Variants in PCNX1 observed in about 807,000 individuals in gnomAD.
PCNX1 encodes pecanex 1.
In PCNX1, 78 loss-of-function variants were observed where a neutral mutation model predicts 242.2. The ratio of observed to expected loss-of-function variants is 0.32; its 90% CI spans 0.27 to 0.39. PCNX1 has a LOEUF of 0.39. Ranked by LOEUF, PCNX1 falls within the 10% of genes least tolerant of loss-of-function variation. PCNX1 has a pLI of 1.00. For missense variants in PCNX1, 2,581 were observed against 2,856.5 expected, an observed-to-expected ratio of 0.90 and a Z score of 2.20; for synonymous variants, 1,024 against 1,032.9, an observed-to-expected ratio of 0.99 and a Z score of 0.17.
At chr14:71,053,564 C>T (rs1382041407) in intron 24 of PCNX1, among the ~76,000 whole-genome samples, 3 of 151,998 alleles carry the variant, frequency 2.0e-5, no homozygotes, top group Non-Finnish European at 4.4e-5. Flanking sequence ...GTGATCCACC[C>T]GCTTCGGCCT....
chr14:71,090,639 C>G (rs191897754), intron 30 of PCNX1, among the ~76,000 whole-genome samples: 1 of 151,780 alleles, frequency 6.6e-6, no homozygotes, highest in East Asian at 1.9e-4. Flanking sequence ...CAGTGCATTT[C>G]AAAAAAAGGT....
chr14:71,027,857 A>T (rs2060279289), intron 15 of PCNX1, among the ~76,000 whole-genome samples: 3 of 152,002 alleles, frequency 2.0e-5, no homozygotes, highest in South Asian at 4.1e-4. Flanking sequence ...ATATTTAGGG[A>T]CTATTACTGG....
At chr14:71,100,228 A>C (rs2062426524) in intron 30 of PCNX1, among the ~76,000 whole-genome samples, 1 of 152,108 alleles carries the variant, frequency 6.6e-6, no homozygotes, top group Non-Finnish European at 1.5e-5. Context: ...TTGTGGTAGC[A>C]GGTATTATTT....
intron 28 of PCNX1, among the ~76,000 whole-genome samples, chr14:71,083,006 A>G (rs551718856): frequency 6.6e-6 from 1 of 152,044 alleles, no homozygotes; most frequent in Non-Finnish European, 1.5e-5. Flanking sequence ...TCCTTTCCAT[A>G]TTTAGTGCTT....
chr14:71,022,090 G>T (rs2060119423), intron 12 of PCNX1, among the ~76,000 whole-genome samples: 1 of 151,968 alleles, frequency 6.6e-6, no homozygotes. Flanking sequence ...CAATATCTTT[G>T]CTTTTGGCAG....
chr14:71,009,025 A>G (rs1448740099), intron 8 of PCNX1, among the ~76,000 whole-genome samples: 1 of 152,232 alleles, frequency 6.6e-6, no homozygotes, highest in Non-Finnish European at 1.5e-5. Flanking sequence ...TCAGTTTCAT[A>G]GTGATATTTG....
chr14:70,910,439 A>G (rs1410841983), intron 1 of PCNX1, among the ~76,000 whole-genome samples: 4 of 151,496 alleles, frequency 2.6e-5, no homozygotes, highest in Non-Finnish European at 4.4e-5. Flanking sequence ...TGTCTCAACC[A>G]CACACACATT....
At position 70,978,662 on chromosome 14, in the gene PCNX1, A is replaced by C; in HGVS notation, c.2311+14A>C. ...CAGTCAGTGGAGGTAAGTAAACTGT[A>C]AGAAGAGATTTCTGTAAGACTCACT... On this transcript the variant is annotated intron_variant, in intron 6 of 35. Transcript: ENST00000304743. The C allele has an allele frequency of 6.3e-7, 1 of 1,589,178 alleles. No homozygotes were observed. The highest frequency in any genetic ancestry group is 8.6e-7 in the Non-Finnish European group (1 of 1,168,978).
rs756087143 is a variant in PCNX1 at position 70,978,008 on chromosome 14, C to G, written c.1671C>G (p.His557Gln). Reference protein sequence around the residue: ...SSVIHRTASAHKSGRRRTGKK... With the variant: ...SSVIHRTASAQKSGRRRTGKK... ...TAATCCATCGGACAGCTTCTGCCCA[C>G]AAGTCAGGCAGGAGACGCACAGGAA... Residue 557 changes from histidine (H) to glutamine (Q), a missense_variant, in exon 6 of 36, where the codon CAC (histidine) becomes CAG (glutamine). By Grantham distance (24) the His-to-Gln change is conservative (BLOSUM62 0). Around this residue, in one of 9 missense-constraint regions of PCNX1, gnomAD observed 1,204 missense variants for 1,216.7 expected, o/e 0.99. Transcript: ENST00000304743. 6 of 1,613,954 alleles carry G rather than the reference C, an allele frequency of 3.7e-6. No homozygotes were observed. The Admixed American group carries it at 1.0e-4, about 27-fold the overall frequency.
chr14:71,015,703 C>T (rs780400226), intron 11 of PCNX1, among the ~76,000 whole-genome samples: 1 of 151,844 alleles, frequency 6.6e-6, no homozygotes, highest in Non-Finnish European at 1.5e-5. Context: ...AGAGTTGTAG[C>T]TAATATGTCA....
intron 1 of PCNX1, among the ~76,000 whole-genome samples, chr14:70,945,323 G>T (rs1315300479): frequency 1.3e-5 from 2 of 152,178 alleles, no homozygotes; most frequent in African/African-American, 4.8e-5. Flanking sequence ...TATGCATTTT[G>T]TAAACTTCTA....
chr14:71,037,500 G>T (rs1421522793), intron 19 of PCNX1, among the ~76,000 whole-genome samples: 15 of 150,798 alleles, frequency 9.9e-5, no homozygotes, highest in South Asian at 2.1e-4. Context: ...TAGCATGAAG[G>T]GTTGTTGAAT....
At chr14:71,057,039 C>T (rs1221218852) in intron 25 of PCNX1, among the ~76,000 whole-genome samples, 2 of 152,116 alleles carry the variant, frequency 1.3e-5, no homozygotes, top group African/African-American at 2.4e-5. Flanking sequence ...TAACATTAGC[C>T]ATCTCAATAT....
chr14:71,026,822 G>A lies in PCNX1; in HGVS notation c.3406G>A (p.Val1136Met). Residue 1136 changes from valine (V) to methionine (M), a missense_variant, in exon 15 of 36, where the codon GTG becomes ATG. Val to Met is a conservative substitution (Grantham distance 21). Transcript: ENST00000304743. ...IVFFIGLLPQ[V>M]NTFVMYLCEQ... ...GTTTTTCATTGGTCTCCTGCCTCAG[G>A]TGAATACATTTGTAATGTACCTTTG... The A allele has an allele frequency of 6.3e-7, 1 of 1,587,132 alleles. No homozygotes were observed. Among genetic ancestry groups the A allele is most frequent in the Non-Finnish European group, 8.6e-7 (1 of 1,156,820 alleles).
chr14:70,955,364 C>T (rs1350962803), intron 2 of PCNX1, among the ~76,000 whole-genome samples: 1 of 152,070 alleles, frequency 6.6e-6, no homozygotes, highest in African/African-American at 2.4e-5. Flanking sequence ...ATAGGAACTT[C>T]GTTTTTATCC....
chr14:70,911,499 T>G lies in PCNX1; in HGVS notation c.153+3496T>G, dbSNP rs78879829. On this transcript the variant is annotated intron_variant, in intron 1 of 35. Transcript: ENST00000304743. ...CTTAATTCTGATTGTCCTGTCTGTT[T>G]CCTTTAAGGTACTCATTCTTTTTTA... Among the ~76,000 whole-genome samples the G allele has an allele frequency of 9.0e-3, 1,366 of 152,332 alleles. 10 individuals carry two copies. The highest frequency in any genetic ancestry group is 0.012 in the Non-Finnish European group (842 of 68,028).
intron 2 of PCNX1, among the ~76,000 whole-genome samples, chr14:70,949,009 T>A (rs532229808): frequency 6.8e-6 from 1 of 147,814 alleles, no homozygotes; most frequent in African/African-American, 2.5e-5. Flanking sequence ...TTTTATTTAC[T>A]CGTATAAATA....
At chr14:71,103,317 C>T (rs958378650) in intron 31 of PCNX1, 78 bp from the exon 32 acceptor site, 19 of 1,437,708 alleles carry the variant, frequency 1.3e-5, no homozygotes, top group Middle Eastern at 2.2e-4. Context: ...TTTTGTATTC[C>T]TCCCATTTCT....
At chr14:71,061,859 G>T (rs1364412849) in intron 26 of PCNX1, among the ~76,000 whole-genome samples, 2 of 152,154 alleles carry the variant, frequency 1.3e-5, no homozygotes, top group African/African-American at 4.8e-5. Context: ...ATGAGGGGTT[G>T]TTGGAACTGG....
Sources: allele counts gnomAD v4.1 joint callset (sites outside exome capture counted in the v4.1 genomes callset), GRCh38; gene constraint gnomAD v4.1.1; regional missense constraint gnomAD v4.1.1; transcripts MANE v1.5; gene names NCBI Gene and HGNC (gene_info 2026-07-23, HGNC 2026-07-21).